The following DOCK4 variants were observed in gnomAD, a reference collection of about 807,000 sequenced individuals.
DOCK4 encodes dedicator of cytokinesis 4, also known as dedicator of cytokinesis protein 4.
A neutral mutation model predicts 268.1 loss-of-function variants in DOCK4; 97 were observed. The observed-to-expected ratio is 0.36, with a 90% CI of 0.31 to 0.43. The LOEUF (loss-of-function observed/expected upper bound fraction) is 0.43. Among genes scored for constraint, DOCK4 ranks in the 20% least tolerant of loss-of-function variants. The pLI is 1.00. For missense variants in DOCK4, 2,145 were observed against 2,455.7 expected, an observed-to-expected ratio of 0.87 and a Z score of 2.67; for synonymous variants, 954 against 887.2, an observed-to-expected ratio of 1.08 and a Z score of -1.34.
At chr7:112,093,647 T>C (rs1009547466) in intron 1 of DOCK4, among the ~76,000 whole-genome samples, 2 of 152,174 alleles carry the variant, frequency 1.3e-5, no homozygotes, top group Non-Finnish European at 2.9e-5. Flanking sequence ...AAAGCGACCT[T>C]TCTGTAAAGA....
chr7:111,984,212 C>T (rs1586571816), intron 7 of DOCK4, 94 bp downstream of exon 7: 2 of 1,121,272 alleles, frequency 1.8e-6, no homozygotes, highest in East Asian at 2.6e-5. Flanking sequence ...AATCCTGGAA[C>T]ATCCTGTTCT....
intron 1 of DOCK4, among the ~76,000 whole-genome samples, chr7:112,096,292 G>A (rs2135786196): frequency 6.6e-6 from 1 of 152,086 alleles, no homozygotes; most frequent in East Asian, 1.9e-4. Flanking sequence ...ACTCCCACCT[G>A]TGTATCTGGA....
chr7:112,098,577 TTATG>T (rs929896440), intron 1 of DOCK4, among the ~76,000 whole-genome samples: 8 of 149,602 alleles, frequency 5.3e-5, no homozygotes, highest in African/African-American at 1.5e-4. Context: ...ATTTTATAGA[TTATG>T]TAAGATTATG....
chr7:111,841,452 C>T lies in DOCK4; in HGVS notation c.2736+3311G>A, dbSNP rs560527514. Among the ~76,000 whole-genome samples the T allele has an allele frequency of 4.7e-3, 714 of 152,084 alleles. 2 individuals are homozygous for T. Among genetic ancestry groups the T allele is most frequent in the Non-Finnish European group, 6.5e-3 (443 of 67,986 alleles). On this transcript the variant is annotated intron_variant, in intron 25 of 52. Transcript: ENST00000428084. ...CTGGGATTACAGGCATAAGACACCG[C>T]GCCTGGCCTATTTTCTCTGTTTTAA...
chr7:111,817,790 C>T (rs575364393), intron 27 of DOCK4, among the ~76,000 whole-genome samples: 2 of 152,268 alleles, frequency 1.3e-5, no homozygotes, highest in Admixed American at 1.3e-4. Context: ...AATCCCAGTC[C>T]TCACATCTCC....
chr7:112,147,913 C>T (rs187940422), intron 1 of DOCK4, among the ~76,000 whole-genome samples: 2 of 148,780 alleles, frequency 1.3e-5, no homozygotes, highest in African/African-American at 4.9e-5. Flanking sequence ...CAACTCCCTA[C>T]TTCCCCATCT....
At chr7:111,781,310 C>T (rs1798771276) in intron 35 of DOCK4, among the ~76,000 whole-genome samples, 2 of 152,282 alleles carry the variant, frequency 1.3e-5, no homozygotes, top group South Asian at 4.2e-4. Context: ...TAGCTTTTCT[C>T]CCAACACTGA....
intron 10 of DOCK4, among the ~76,000 whole-genome samples, chr7:111,943,431 A>C (rs182888725): frequency 3.4e-4 from 52 of 152,332 alleles, no homozygotes; most frequent in Admixed American, 2.9e-3. Flanking sequence ...TGAAAGCAAA[A>C]GTGGTTTACT....
At chr7:111,993,043 T>C (rs1799660591) in intron 5 of DOCK4, among the ~76,000 whole-genome samples, 3 of 152,238 alleles carry the variant, frequency 2.0e-5, no homozygotes, top group Admixed American at 2.0e-4. Flanking sequence ...CTAAGGTTTC[T>C]TGTGGATTTT....
intron 39 of DOCK4, among the ~76,000 whole-genome samples, chr7:111,764,822 T>C (rs748518326): frequency 6.6e-6 from 1 of 152,044 alleles, no homozygotes. Context: ...TTTTTTCTAA[T>C]ACTAACTTGA....
At chr7:111,782,388 G>A (rs1489630601) in intron 35 of DOCK4, among the ~76,000 whole-genome samples, 6 of 152,174 alleles carry the variant, frequency 3.9e-5, no homozygotes, top group African/African-American at 1.4e-4. Context: ...AAATTAGGGT[G>A]TTAAATAGAA....
At chr7:111,888,156 C>A (rs1808004506) in intron 16 of DOCK4, among the ~76,000 whole-genome samples, 2 of 151,512 alleles carry the variant, frequency 1.3e-5, no homozygotes, top group African/African-American at 4.8e-5. Context: ...CACATCTATA[C>A]CCAGGTAGAT....
At chr7:112,018,156 A>AC (rs1214497621) in intron 1 of DOCK4, among the ~76,000 whole-genome samples, 12 of 135,390 alleles carry the variant, frequency 8.9e-5, no homozygotes, top group African/African-American at 3.4e-4. Flanking sequence ...AAAAAAAAAA[A>AC]AAAAAAAAAA....
intron 1 of DOCK4, among the ~76,000 whole-genome samples, chr7:112,075,962 T>C (rs540891446): frequency 6.6e-6 from 1 of 152,202 alleles, no homozygotes. Context: ...TTTTATCTTA[T>C]CTTTTAGGCT....
At chr7:112,088,190 G>T (rs1320565542) in intron 1 of DOCK4, among the ~76,000 whole-genome samples, 2 of 152,098 alleles carry the variant, frequency 1.3e-5, no homozygotes, top group Non-Finnish European at 2.9e-5. Flanking sequence ...CACACTGTTG[G>T]CTGGAGGATC....
chr7:111,771,818 T>A (rs1463226198), intron 36 of DOCK4, among the ~76,000 whole-genome samples: 1 of 152,210 alleles, frequency 6.6e-6, no homozygotes, highest in Non-Finnish European at 1.5e-5. Flanking sequence ...GCCTCACAGC[T>A]TGTGCCTGCA....
intron 30 of DOCK4, among the ~76,000 whole-genome samples, chr7:111,797,688 C>T (rs986919854): frequency 2.0e-5 from 3 of 152,124 alleles, no homozygotes; most frequent in African/African-American, 7.2e-5. Flanking sequence ...GAAAAAAGCA[C>T]TTTTTAATAT....
In DOCK4 at chr7:111,790,522, C is replaced by T. The variant is rs767664634; in HGVS notation, c.3250G>A (p.Val1084Ile). ...TLIPQPDLRN[V>I]MIPIFHDMMD... is the part of the protein sequence containing the mutation. ...ATATCATGAAAAATTGGAATCATGA[C>T]ATTCCGAAGATCTGGCTGGGGTATC... The change falls in exon 31 of 53, where the codon GTC becomes ATC. Residue 1084 changes from valine to isoleucine, a missense_variant. Physicochemically the swap from Val to Ile is conservative, Grantham distance 29 (BLOSUM62 3). Around this residue, in one of 2 missense-constraint regions of DOCK4, gnomAD observed 1,598 missense variants for 1,986.7 expected, o/e 0.80. Coordinates refer to ENST00000428084, the MANE Select transcript of DOCK4 (RefSeq NM_001363540.2). 1 of 1,613,932 alleles carries T rather than the reference C, an allele frequency of 6.2e-7. No homozygotes were observed. The highest frequency in any genetic ancestry group is 2.2e-5 in the East Asian group (1 of 44,854).
At chr7:112,181,508 T>G (rs1819030926) in intron 1 of DOCK4, among the ~76,000 whole-genome samples, 2 of 151,664 alleles carry the variant, frequency 1.3e-5, no homozygotes, top group African/African-American at 4.8e-5. Context: ...AATTTAAAAA[T>G]TAGCCAGGGA....
Sources: allele counts gnomAD v4.1 joint callset (sites outside exome capture counted in the v4.1 genomes callset), GRCh38; gene constraint gnomAD v4.1.1; regional missense constraint gnomAD v4.1.1; transcripts MANE v1.5; gene names NCBI Gene and HGNC (gene_info 2026-07-23, HGNC 2026-07-21).